GLDN: variants seen among roughly 807,000 people sequenced by gnomAD.
GLDN encodes collomin.
Under a neutral mutation model 56.5 loss-of-function variants are expected in GLDN, and 47 were observed. The observed-to-expected ratio is 0.83, with a 90% CI of 0.66 to 1.06. The LOEUF (loss-of-function observed/expected upper bound fraction) is 1.06. GLDN is among the 50% of genes least tolerant of loss of function. GLDN has a pLI of 0.00. For synonymous variants in GLDN, 332 were observed against 278.8 expected, an observed-to-expected ratio of 1.19 and a Z score of -1.90; for missense variants, 782 against 714.3, an observed-to-expected ratio of 1.09 and a Z score of -1.08.
chr15:51,366,471 T>C (rs2037403888), intron 1 of GLDN, among the ~76,000 whole-genome samples: 1 of 152,260 alleles, frequency 6.6e-6, no homozygotes, highest in African/African-American at 2.4e-5. Flanking sequence ...TAATGACCAA[T>C]GACAACTTAC....
intron 4 of GLDN, among the ~76,000 whole-genome samples, chr15:51,390,068 G>T (rs2037984011): frequency 6.6e-6 from 1 of 152,228 alleles, no homozygotes; most frequent in Admixed American, 6.5e-5. Context: ...GAGCCAGATG[G>T]TTTGTGTCTC....
intron 2 of GLDN, among the ~76,000 whole-genome samples, chr15:51,383,030 A>T (rs1416879443): frequency 6.6e-6 from 1 of 152,184 alleles, no homozygotes; most frequent in African/African-American, 2.4e-5. Flanking sequence ...GCTAGATTAC[A>T]GCACTTGGAG....
chr15:51,381,554 T>C (rs867607873), intron 2 of GLDN, among the ~76,000 whole-genome samples: 46 of 152,212 alleles, frequency 3.0e-4, no homozygotes, highest in Admixed American at 5.9e-4. Context: ...CTCCCAAAAG[T>C]CCCCACGCCT....
At chr15:51,358,674 G>A (rs925561477) in intron 1 of GLDN, among the ~76,000 whole-genome samples, 1 of 152,162 alleles carries the variant, frequency 6.6e-6, no homozygotes, top group Non-Finnish European at 1.5e-5. Flanking sequence ...AGGGGTGTGG[G>A]CACTTCTATG....
At chr15:51,413,078 T>C in the GLDN span, among the ~76,000 whole-genome samples, 2 of 152,232 alleles carry the variant, frequency 1.3e-5, no homozygotes, top group African/African-American at 4.8e-5. Context: ...CTGTTCTTTG[T>C]TCCCTTTTTT....
rs187711857 is a variant in GLDN at position 51,359,361 on chromosome 15, C to T, written c.363+17314C>T. The stretch of plus-strand genomic sequence containing the variant: ...CGTTAGGTCAAACATTAACTCCCAG[C>T]GAAAAAGAGGCCACAGCTAAGGCTG... On this transcript the variant is annotated intron_variant, in intron 1 of 9. Transcript: ENST00000335449. Among the ~76,000 whole-genome samples, 11 of 152,246 alleles carry T rather than the reference C, an allele frequency of 7.2e-5. No individual in the cohort carries two copies. In the East Asian group the frequency reaches 9.6e-4, roughly 13 times the overall value.
intron 1 of GLDN, among the ~76,000 whole-genome samples, chr15:51,344,312 C>A (rs1289604509): frequency 6.6e-6 from 1 of 151,624 alleles, no homozygotes; most frequent in East Asian, 2.0e-4. Context: ...CTGTGTTAGG[C>A]ATCACACTCC....
rs74016744 is a variant in GLDN, at chr15:51,390,672, C to G, written c.542-4163C>G. 1.8e-3 allele frequency among the ~76,000 whole-genome samples: 268 copies of G among 152,326 alleles called. 1 individual carries two copies. The highest frequency in any genetic ancestry group is 6.3e-3 in the African/African-American group (261 of 41,570). On this transcript the variant is annotated intron_variant, in intron 4 of 9. Transcript: ENST00000335449. ...GATACTGCTGAAAATAAAACATCCT[C>G]CCTCACCCCATGTTGTGAAGATGAG...
chr15:51,399,739 C>T (rs1415828442), intron 6 of GLDN, among the ~76,000 whole-genome samples: 2 of 152,220 alleles, frequency 1.3e-5, no homozygotes, highest in Admixed American at 6.5e-5. Flanking sequence ...AAGTGGACCA[C>T]CCCATTCTCT....
intron 2 of GLDN, among the ~76,000 whole-genome samples, chr15:51,380,244 G>T (rs78651243): frequency 0.097 from 14,784 of 152,108 alleles, 1,425 homozygotes; most frequent in African/African-American, 0.24. Flanking sequence ...TTTCTAGACG[G>T]CGACTGCAGA....
At position 51,397,468 on chromosome 15, in the gene GLDN, A is replaced by C. The variant is rs149543159; in HGVS notation, c.689-2A>C. On this transcript the variant is annotated splice_acceptor_variant, in intron 5 of 9. Transcript: ENST00000335449. LOFTEE classifies it high-confidence loss of function. ...TCTCCCTTTCTCTCTCTCTCTCTCC[A>C]GGTGCCAAAGGTGACCAAGGCCCAC... 208 of 1,463,948 alleles carry C rather than the reference A, an allele frequency of 1.4e-4. No individual in the cohort carries two copies. In the African/African-American group the frequency reaches 2.9e-3, roughly 20 times the overall value. The allele number at this position is 1,463,948 out of a possible 1,614,324, so 90.7% of individuals were successfully genotyped here.
chr15:51,388,670 G>A (rs2037951273), intron 4 of GLDN, among the ~76,000 whole-genome samples: 1 of 152,200 alleles, frequency 6.6e-6, no homozygotes, highest in Non-Finnish European at 1.5e-5. Context: ...GCTAATAAGT[G>A]GAGGAGGCAG....
downstream of GLDN, among the ~76,000 whole-genome samples, chr15:51,408,936 G>C (rs541291247): frequency 2.7e-4 from 41 of 151,670 alleles, no homozygotes; most frequent in African/African-American, 9.7e-4. Context: ...TATCATTGTT[G>C]GACATTTGGG....
intron 1 of GLDN, among the ~76,000 whole-genome samples, chr15:51,352,620 C>T (rs1377343582): frequency 6.6e-6 from 1 of 152,212 alleles, no homozygotes; most frequent in Non-Finnish European, 1.5e-5. Flanking sequence ...CCTAAATCAT[C>T]TTGGCATTGA....
At chr15:51,357,541 G>C (rs2037208980) in intron 1 of GLDN, among the ~76,000 whole-genome samples, 1 of 152,192 alleles carries the variant, frequency 6.6e-6, no homozygotes, top group African/African-American at 2.4e-5. Flanking sequence ...GAGGCTTTCT[G>C]GGAGAGGGCT....
At chr15:51,345,659 C>T (rs191715814) in intron 1 of GLDN, among the ~76,000 whole-genome samples, 5 of 152,286 alleles carry the variant, frequency 3.3e-5, no homozygotes, top group East Asian at 1.9e-4. Flanking sequence ...ACTGAACTGT[C>T]AAATCCTGGA....
rs766436164 is a variant in GLDN at position 51,404,508 on chromosome 15, C to T, written c.1410C>T (p.Ser470=). The change falls in exon 10 of 10, where the codon TCC becomes TCT. Residue 470 remains serine (S), a synonymous_variant. Coordinates refer to ENST00000335449, the MANE Select transcript of GLDN (RefSeq NM_181789.4). ...VQHVNTTYPK[S]KAGNAFIARG... is the part of the protein sequence containing the mutation. ...ACGTCAATACCACGTACCCTAAATCCAAGGCTGGCAACGCCTTCATTGCCC... is the reference window on the plus strand; with the variant it reads ...ACGTCAATACCACGTACCCTAAATCTAAGGCTGGCAACGCCTTCATTGCCC... The T allele has an allele frequency of 9.9e-6, 16 of 1,614,026 alleles. No homozygotes were observed. In the South Asian group the frequency reaches 1.8e-4, roughly 18 times the overall value.
intron 2 of GLDN, among the ~76,000 whole-genome samples, chr15:51,382,788 A>G (rs2037795845): frequency 6.6e-6 from 1 of 152,096 alleles, no homozygotes; most frequent in Non-Finnish European, 1.5e-5. Flanking sequence ...TTACAACCTC[A>G]TTAGCTTGTC....
At chr15:51,372,634 C>A (rs533290202) in intron 1 of GLDN, among the ~76,000 whole-genome samples, 18 of 152,318 alleles carry the variant, frequency 1.2e-4, no homozygotes, top group South Asian at 4.1e-4. Flanking sequence ...CCCAGCACCA[C>A]CAGATTCTCA....
Sources: allele counts gnomAD v4.1 joint callset (sites outside exome capture counted in the v4.1 genomes callset), GRCh38; gene constraint gnomAD v4.1.1; transcripts MANE v1.5; gene names NCBI Gene and HGNC (gene_info 2026-07-23, HGNC 2026-07-21).